The following GRM7 variants were observed in gnomAD, a reference collection of about 807,000 sequenced individuals.
GRM7 encodes the protein glutamate metabotropic receptor 7.
In GRM7, 35 loss-of-function variants were observed where a neutral mutation model predicts 84.5. The observed-to-expected ratio is 0.41, with a 90% CI of 0.32 to 0.55. The LOEUF is 0.55. Among genes scored for constraint, GRM7 ranks in the 20% least tolerant of loss-of-function variants. GRM7 has a pLI of 0.19. For synonymous variants in GRM7, 487 were observed against 455.1 expected (o/e 1.07, Z -0.89); for missense variants, 1,003 against 1,194.6 (o/e 0.84, Z 2.36).
intron 1 of GRM7, among the ~76,000 whole-genome samples, chr3:6,892,468 C>T (rs2124986484): frequency 6.6e-6 from 1 of 152,276 alleles, no homozygotes; most frequent in East Asian, 1.9e-4. Context: ...AAATCATTTT[C>T]TGCTCAAATC....
At chr3:7,183,656 G>T (rs1317155691) in intron 2 of GRM7, among the ~76,000 whole-genome samples, 1 of 151,850 alleles carries the variant, frequency 6.6e-6, no homozygotes, top group Admixed American at 6.6e-5. Flanking sequence ...TAAATAAAAT[G>T]AAAAAAATAA....
At chr3:6,900,966 C>A (rs991628372) in intron 1 of GRM7, among the ~76,000 whole-genome samples, 2 of 152,138 alleles carry the variant, frequency 1.3e-5, no homozygotes, top group African/African-American at 4.8e-5. Flanking sequence ...TTTTGTGATG[C>A]CTGCTCTACT....
chr3:7,640,511 A>T (rs779067491), intron 8 of GRM7, among the ~76,000 whole-genome samples: 4 of 152,188 alleles, frequency 2.6e-5, no homozygotes, highest in Non-Finnish European at 4.4e-5. Flanking sequence ...CAAAAATTCT[A>T]CTTGTTCTCC....
intron 1 of GRM7, among the ~76,000 whole-genome samples, chr3:6,974,954 T>C (rs1387355637): frequency 1.3e-5 from 2 of 151,968 alleles, no homozygotes; most frequent in Non-Finnish European, 2.9e-5. Context: ...TATTCTTAGG[T>C]ATTGATGTGT....
chr3:7,327,517 C>A (rs1290031409), intron 4 of GRM7, among the ~76,000 whole-genome samples: 1 of 152,086 alleles, frequency 6.6e-6, no homozygotes, highest in Non-Finnish European at 1.5e-5. Context: ...ATTTATATAT[C>A]TGTATTTATT....
chr3:7,457,870 A>C (rs1288942667), intron 6 of GRM7, among the ~76,000 whole-genome samples: 1 of 152,170 alleles, frequency 6.6e-6, no homozygotes, highest in Admixed American at 6.5e-5. Context: ...ACTGTCAGAC[A>C]TGAGAGCCTC....
At chr3:7,458,320 T>A (rs957301797) in intron 6 of GRM7, among the ~76,000 whole-genome samples, 12 of 152,200 alleles carry the variant, frequency 7.9e-5, no homozygotes, top group African/African-American at 2.7e-4. Flanking sequence ...GGCATCTCTG[T>A]GGGGAATCAT....
At chr3:7,075,830 G>A (rs1403646968) in intron 1 of GRM7, among the ~76,000 whole-genome samples, 1 of 151,970 alleles carries the variant, frequency 6.6e-6, no homozygotes, top group African/African-American at 2.4e-5. Flanking sequence ...CTGGCTAGAT[G>A]TACATATATT....
intron 7 of GRM7, among the ~76,000 whole-genome samples, chr3:7,497,337 C>A (rs559608367): frequency 6.6e-6 from 1 of 152,280 alleles, no homozygotes; most frequent in South Asian, 2.1e-4. Context: ...GGCAACGTTT[C>A]CCATGGGGTT....
intron 1 of GRM7, among the ~76,000 whole-genome samples, chr3:7,107,148 T>C (rs1254204838): frequency 6.6e-6 from 1 of 151,988 alleles, no homozygotes; most frequent in African/African-American, 2.4e-5. Flanking sequence ...TCCAGCAAAC[T>C]GTTACTGAGC....
Position 7,411,938 on chromosome 3 carries a change from C to G in GRM7, c.1034-3085C>G, listed in dbSNP as rs1383040873. ...GCAACAGGGAATTCCTGTTTCTCAC[C>G]CTAATCAATGCCTCTCTCTTCTCTC... On this transcript the variant is annotated intron_variant, in intron 4 of 9. Coordinates refer to ENST00000357716, the MANE Select transcript of GRM7 (RefSeq NM_000844.4). Among the ~76,000 whole-genome samples the G allele has an allele frequency of 2.6e-5, 4 of 151,930 alleles. No individual in the cohort carries two copies. The East Asian group carries it at 7.8e-4, about 29-fold the overall frequency.
At chr3:6,999,980 C>A (rs145118770) in intron 1 of GRM7, among the ~76,000 whole-genome samples, 18 of 152,108 alleles carry the variant, frequency 1.2e-4, no homozygotes, top group Admixed American at 1.2e-3. Flanking sequence ...ATTTCATTTT[C>A]AAATTAAGAT....
At chr3:6,866,982 A>T (rs1215003642) in intron 1 of GRM7, among the ~76,000 whole-genome samples, 2 of 152,146 alleles carry the variant, frequency 1.3e-5, no homozygotes, top group African/African-American at 4.8e-5. Flanking sequence ...GCCATCCAAC[A>T]CAAGGAGAGA....
intron 8 of GRM7, among the ~76,000 whole-genome samples, chr3:7,642,484 C>T (rs1012797669): frequency 5.3e-5 from 8 of 152,140 alleles, no homozygotes; most frequent in African/African-American, 7.2e-5. Flanking sequence ...CTGCTTTCAT[C>T]ATGCCTTGCC....
At chr3:7,367,654 C>T (rs959284460) in intron 4 of GRM7, among the ~76,000 whole-genome samples, 23 of 151,616 alleles carry the variant, frequency 1.5e-4, no homozygotes, top group African/African-American at 5.6e-4. Context: ...ATAATTCTTC[C>T]AATATCTTAT....
At chr3:7,413,226 T>C (rs537378631) in intron 4 of GRM7, among the ~76,000 whole-genome samples, 3 of 152,150 alleles carry the variant, frequency 2.0e-5, no homozygotes, top group African/African-American at 7.2e-5. Flanking sequence ...AGAAGCTCCA[T>C]AGCCATTAAT....
chr3:7,303,965 C>G (rs571495462), intron 3 of GRM7, among the ~76,000 whole-genome samples: 2 of 150,216 alleles, frequency 1.3e-5, no homozygotes, highest in East Asian at 4.0e-4. Flanking sequence ...TAAGGGAAAA[C>G]TTTTTCATGT....
chr3:7,407,917 G>A (rs541703887), intron 4 of GRM7, among the ~76,000 whole-genome samples: 2 of 152,138 alleles, frequency 1.3e-5, no homozygotes, highest in Non-Finnish European at 2.9e-5. Flanking sequence ...ATGTGTGTCT[G>A]AGATAATTTT....
rs578156534 is a variant in GRM7 at position 7,355,115 on chromosome 3, G to T, written c.1033+48463G>T. On this transcript the variant is annotated intron_variant, in intron 4 of 9. Transcript: ENST00000357716. ...GTAAATAAATCAGGCTAAAAATCAG[G>T]GGTTTTTTACTTCACTCAAATTTCT... Among the ~76,000 whole-genome samples the T allele has an allele frequency of 5.9e-5, 9 of 152,238 alleles. No homozygotes were observed. The East Asian group carries it at 1.7e-3, about 29-fold the overall frequency.
Sources: allele counts gnomAD v4.1 joint callset (sites outside exome capture counted in the v4.1 genomes callset), GRCh38; gene constraint gnomAD v4.1.1; transcripts MANE v1.5; gene names NCBI Gene and HGNC (gene_info 2026-07-23, HGNC 2026-07-21).